The following MACROD2 variants were observed in gnomAD, a reference collection of about 807,000 sequenced individuals.
MACROD2 encodes the protein ADP-ribose glycohydrolase MACROD2.
A neutral mutation model predicts 70.4 loss-of-function variants in MACROD2; 36 were observed. The observed-to-expected ratio is 0.51, with a 90% CI of 0.39 to 0.68. MACROD2 has a LOEUF of 0.68. Ranked by LOEUF, MACROD2 falls within the 30% of genes least tolerant of loss-of-function variation. MACROD2 has a pLI of 0.00. For missense variants in MACROD2, 496 were observed against 538.4 expected (o/e 0.92, Z 0.78); for synonymous variants, 172 against 178.8 (o/e 0.96, Z 0.30).
intron 5 of MACROD2, among the ~76,000 whole-genome samples, chr20:14,897,399 A>G (rs2073843368): frequency 6.6e-6 from 1 of 152,190 alleles, no homozygotes; most frequent in Non-Finnish European, 1.5e-5. Context: ...GGTCAATTTT[A>G]CATGCAGAAT....
Position 15,183,826 on chromosome 20 carries a change from G to T in MACROD2, c.419-46114G>T, listed in dbSNP as rs546436149. Among the ~76,000 whole-genome samples, 28 of 152,228 alleles carry T rather than the reference G, an allele frequency of 1.8e-4. No homozygotes were observed. In the South Asian group the frequency reaches 2.7e-3, roughly 15 times the overall value. On this transcript the variant is annotated intron_variant, in intron 5 of 17. Transcript: ENST00000684519. Reference sequence around the variant, plus strand: ...TTTCACAAGTGTGCATCTTCCCCTGGAACAGATACAGCCACTACCTGGAAC... The same window carrying T: ...TTTCACAAGTGTGCATCTTCCCCTGTAACAGATACAGCCACTACCTGGAAC...
chr20:14,180,760 T>C (rs1272600915), intron 3 of MACROD2, among the ~76,000 whole-genome samples: 1 of 152,112 alleles, frequency 6.6e-6, no homozygotes, highest in East Asian at 1.9e-4. Context: ...AGTGCCACTT[T>C]GTTTAATTCT....
intron 2 of MACROD2, among the ~76,000 whole-genome samples, chr20:14,061,440 T>C (rs904903772): frequency 6.7e-6 from 1 of 149,806 alleles, no homozygotes; most frequent in African/African-American, 2.5e-5. Context: ...GTGCTTCTAA[T>C]ACAGGTTGGT....
At chr20:14,476,246 A>T (rs1033499407) in intron 3 of MACROD2, among the ~76,000 whole-genome samples, 1 of 152,202 alleles carries the variant, frequency 6.6e-6, no homozygotes, top group African/African-American at 2.4e-5. Flanking sequence ...TTAAACAACA[A>T]ATATACTGAG....
In MACROD2 at chr20:13,995,552, G is replaced by C; in HGVS notation, c.-212G>C. On this transcript the variant is annotated 5_prime_UTR_variant, in exon 1 of 18. Coordinates refer to ENST00000684519, the MANE Select transcript of MACROD2 (RefSeq NM_001351661.2). The surrounding 1 kb of genome is among the most constrained non-coding windows in gnomAD (Gnocchi z 4.3). The stretch of plus-strand genomic sequence containing the variant: ...AGGTGCTGCTGTGGCGGCGTCCGCG[G>C]GGCTGAGGCGGGTGGGAGCCGGAGC... The C allele has an allele frequency of 3.1e-6, 2 of 646,946 alleles. No homozygotes were observed. Among genetic ancestry groups the C allele is most frequent in the East Asian group, 2.8e-5 (1 of 35,998 alleles). 40.1% of individuals were successfully genotyped at this position (646,946 alleles called of 1,614,324 possible). A position where few individuals can be genotyped will look rare whatever the true frequency, so the allele number is the denominator to read the frequency against.
At chr20:15,782,000 G>T (rs542789239) in intron 8 of MACROD2, among the ~76,000 whole-genome samples, 1 of 152,262 alleles carries the variant, frequency 6.6e-6, no homozygotes, top group African/African-American at 2.4e-5. Context: ...TATTCATAGA[G>T]ATGTACTTTA....
intron 5 of MACROD2, among the ~76,000 whole-genome samples, chr20:15,068,974 T>G (rs2123102191): frequency 6.6e-6 from 1 of 152,226 alleles, no homozygotes; most frequent in East Asian, 1.9e-4. Flanking sequence ...GTTAAGTGGT[T>G]GTGACCAAAA....
intron 5 of MACROD2, among the ~76,000 whole-genome samples, chr20:14,928,193 C>A (rs564609787): frequency 3.5e-4 from 53 of 152,284 alleles, no homozygotes; most frequent in African/African-American, 1.2e-3. Flanking sequence ...ATGCCCAACA[C>A]CCCATCAGCT....
intron 5 of MACROD2, among the ~76,000 whole-genome samples, chr20:14,840,863 G>T (rs143182788): frequency 2.7e-4 from 41 of 152,074 alleles, no homozygotes; most frequent in African/African-American, 8.9e-4. Flanking sequence ...ATGGAATTTG[G>T]CTTAAAGAGT....
intron 5 of MACROD2, among the ~76,000 whole-genome samples, chr20:15,211,558 C>T (rs56074899): frequency 0.093 from 14,142 of 152,018 alleles, 844 homozygotes; most frequent in Non-Finnish European, 0.14. Context: ...TATGAGTCCA[C>T]GTGAGAGCTG....
chr20:14,628,359 C>G (rs575987486), intron 4 of MACROD2, among the ~76,000 whole-genome samples: 1 of 151,898 alleles, frequency 6.6e-6, no homozygotes, highest in African/African-American at 2.4e-5. Context: ...AGCTGAGAAA[C>G]GATGGCTGGA....
intron 5 of MACROD2, among the ~76,000 whole-genome samples, chr20:14,859,482 G>C (rs388996): frequency 0.6 from 90,856 of 151,968 alleles, 27,977 homozygotes; most frequent in Non-Finnish European, 0.67. Context: ...CTATGATCAT[G>C]CTAGTGCTCA....
chr20:14,101,913 T>G, intron 3 of MACROD2, among the ~76,000 whole-genome samples: 1 of 151,980 alleles, frequency 6.6e-6, no homozygotes, highest in Non-Finnish European at 1.5e-5. Context: ...TTTTTTCTTC[T>G]TGTTGACTGA....
intron 8 of MACROD2, among the ~76,000 whole-genome samples, chr20:15,797,059 T>C (rs1315627206): frequency 1.3e-5 from 2 of 152,174 alleles, no homozygotes; most frequent in Non-Finnish European, 2.9e-5. Flanking sequence ...ACCAGCTGTT[T>C]CTGTCATTTT....
chr20:14,000,425 G>C (rs1378594417), intron 1 of MACROD2, among the ~76,000 whole-genome samples: 1 of 151,948 alleles, frequency 6.6e-6, no homozygotes, highest in African/African-American at 2.4e-5. Context: ...TACTTCTGTA[G>C]TTTATTTCTG....
At chr20:15,849,792 A>C (rs1028253353) in intron 8 of MACROD2, among the ~76,000 whole-genome samples, 1 of 152,214 alleles carries the variant, frequency 6.6e-6, no homozygotes, top group African/African-American at 2.4e-5. Context: ...AATAGACAAT[A>C]GGGGTCTGCA....
At chr20:15,839,339 A>G (rs2064146972) in intron 8 of MACROD2, among the ~76,000 whole-genome samples, 1 of 152,104 alleles carries the variant, frequency 6.6e-6, no homozygotes, top group Admixed American at 6.6e-5. Flanking sequence ...TATCCTTGCC[A>G]TGGTCTCATT....
At chr20:15,390,387 G>C (rs1040721608) in intron 6 of MACROD2, among the ~76,000 whole-genome samples, 11 of 152,084 alleles carry the variant, frequency 7.2e-5, no homozygotes, top group Admixed American at 1.3e-4. Flanking sequence ...TTCTTGGGCA[G>C]TTATTACCAT....
intron 2 of MACROD2, among the ~76,000 whole-genome samples, chr20:14,011,154 A>C (rs554434459): frequency 1.3e-5 from 2 of 152,110 alleles, no homozygotes; most frequent in Admixed American, 6.5e-5. Context: ...TGTTGAACTC[A>C]TGGGGTTCTG....
Sources: gnomAD v4.1 joint callset for allele counts (sites outside exome capture counted in the v4.1 genomes callset) on GRCh38, gnomAD v4.1.1 for gene constraint, Gnocchi (gnomAD v3.1) non-coding constraint, MANE v1.5 for transcripts, NCBI Gene and HGNC (gene_info 2026-07-23, HGNC 2026-07-21) for gene names.